IL1RAPL1: variants seen among roughly 807,000 people sequenced by gnomAD.
The protein encoded by IL1RAPL1 is interleukin 1 receptor accessory protein like 1, also known as interleukin-1 receptor accessory protein-like 1.
In IL1RAPL1, 3 loss-of-function variants were observed where a neutral mutation model predicts 48.4. The observed-to-expected ratio is 0.06, with a 90% CI of 0.03 to 0.16. The LOEUF is 0.16. Ranked by LOEUF, IL1RAPL1 falls within the 10% of genes least tolerant of loss-of-function variation. IL1RAPL1 has a pLI of 1.00. For missense variants in IL1RAPL1, 349 were observed against 530.6 expected (o/e 0.66, Z 3.36); for synonymous variants, 185 against 187.7 (o/e 0.99, Z 0.12).
intron 2 of IL1RAPL1, among the ~76,000 whole-genome samples, chrX:28,898,864 A>G (rs1923001169): frequency 9.1e-6 from 1 of 109,905 alleles, no homozygotes; most frequent in Non-Finnish European, 1.9e-5. Context: ...ATCATGGCTC[A>G]CTACAGACTT....
At chrX:28,749,306 A>G (rs1012638545) in intron 1 of IL1RAPL1, among the ~76,000 whole-genome samples, 1 of 111,428 alleles carries the variant, frequency 9.0e-6, no homozygotes, top group African/African-American at 3.3e-5. Context: ...ATCCTATGGT[A>G]GTTTTATTTT....
intron 5 of IL1RAPL1, among the ~76,000 whole-genome samples, chrX:29,589,165 G>T (rs953968438): frequency 2.7e-5 from 3 of 111,925 alleles, no homozygotes; most frequent in African/African-American, 9.7e-5. Context: ...CTCTCTCTTA[G>T]ATCTACTGAT....
intron 5 of IL1RAPL1, among the ~76,000 whole-genome samples, chrX:29,404,352 C>T (rs985253414): frequency 2.7e-5 from 3 of 112,117 alleles, no homozygotes; most frequent in Non-Finnish European, 5.6e-5. Context: ...TTTCACTTAG[C>T]AATATGCATT....
rs940851241 is a variant in IL1RAPL1, at chrX:28,861,922, TTC to T, written c.82+72499_82+72500del. Among the ~76,000 whole-genome samples, 7 of 111,720 alleles carry T rather than the reference TTC, an allele frequency of 6.3e-5. No individual in the cohort carries two copies. In the Admixed American group the frequency reaches 6.7e-4, roughly 11 times the overall value. ...AGAATAATATACTTAGAGGACATTT[TTC>T]TAAATGCAAGTTGCTAGAAATGACT... On this transcript the variant is annotated intron_variant, in intron 2 of 10. Transcript: ENST00000378993.
At chrX:28,999,259 A>G (rs1043547774) in intron 2 of IL1RAPL1, among the ~76,000 whole-genome samples, 1 of 111,714 alleles carries the variant, frequency 9.0e-6, no homozygotes, top group African/African-American at 3.3e-5. Context: ...GAATGTATCT[A>G]TACTTTTATT....
At chrX:28,997,344 T>C (rs1018894534) in intron 2 of IL1RAPL1, among the ~76,000 whole-genome samples, 2 of 111,821 alleles carry the variant, frequency 1.8e-5, no homozygotes, top group Non-Finnish European at 1.9e-5. Context: ...GGTGCACATA[T>C]GGATATGCTT....
chrX:29,627,347 G>A (rs1005794869), intron 5 of IL1RAPL1, among the ~76,000 whole-genome samples: 2 of 112,122 alleles, frequency 1.8e-5, no homozygotes, highest in Admixed American at 1.9e-4. Flanking sequence ...TTTCCAGAAA[G>A]CCATTTATTA....
intron 2 of IL1RAPL1, among the ~76,000 whole-genome samples, chrX:28,899,845 G>A (rs919299098): frequency 9.0e-6 from 1 of 111,559 alleles, no homozygotes; most frequent in African/African-American, 3.3e-5. Context: ...GCCAGAAACT[G>A]AATGCTTTTC....
rs1257893966 is a variant in IL1RAPL1 at position 28,924,251 on chromosome X, A to G, written c.82+134826A>G. On this transcript the variant is annotated intron_variant, in intron 2 of 10. Transcript: ENST00000378993. ...CCATTTGCTGTGCCAACATTTAAGA[A>G]GGAATCTGTGGTTTATCATCTGGTT... The G allele has an allele frequency of 3.6e-5, 4 of 112,447 alleles. No individual in the cohort carries two copies. In the East Asian group the frequency reaches 1.1e-3, roughly 31 times the overall value. The allele number at this position is 112,447 out of a possible 1,213,427, so 9.3% of individuals were successfully genotyped here. A position where few individuals can be genotyped will look rare whatever the true frequency, so the allele number is the denominator to read the frequency against.
chrX:29,245,404 C>A (rs1174681098), intron 2 of IL1RAPL1, among the ~76,000 whole-genome samples: 1 of 111,512 alleles, frequency 9.0e-6, no homozygotes, highest in African/African-American at 3.3e-5. Context: ...AGTGTAAAAG[C>A]ATTCCTATTT....
intron 6 of IL1RAPL1, among the ~76,000 whole-genome samples, chrX:29,674,432 T>TA (rs1007964540): frequency 9.1e-6 from 1 of 110,482 alleles, no homozygotes; most frequent in African/African-American, 3.3e-5. Context: ...TCTCCAAAAA[T>TA]AAAAAAAAGT....
At chrX:29,621,455 G>A (rs1924459823) in intron 5 of IL1RAPL1, among the ~76,000 whole-genome samples, 1 of 110,464 alleles carries the variant, frequency 9.1e-6, no homozygotes, top group African/African-American at 3.3e-5. Flanking sequence ...TATGTCATGA[G>A]TATTTTTCTC....
chrX:29,237,113 A>ATGGGT (rs1931324155), intron 2 of IL1RAPL1, among the ~76,000 whole-genome samples: 1 of 111,075 alleles, frequency 9.0e-6, no homozygotes, highest in Non-Finnish European at 1.9e-5. Flanking sequence ...AACAAGTAAT[A>ATGGGT]TATCTGCATG....
At chrX:29,345,995 A>C (rs756894411) in intron 3 of IL1RAPL1, among the ~76,000 whole-genome samples, 5 of 112,051 alleles carry the variant, frequency 4.5e-5, no homozygotes, top group Non-Finnish European at 9.4e-5. Flanking sequence ...TTGAGTTGTC[A>C]CTAAAATATA....
chrX:29,173,076 G>T (rs902707922), intron 2 of IL1RAPL1, among the ~76,000 whole-genome samples: 1 of 111,176 alleles, frequency 9.0e-6, no homozygotes, highest in Non-Finnish European at 1.9e-5. Flanking sequence ...AGATCCCAGT[G>T]TACTTGATAA....
chrX:28,939,215 A>G (rs901731136), intron 2 of IL1RAPL1, among the ~76,000 whole-genome samples: 1 of 111,028 alleles, frequency 9.0e-6, no homozygotes, highest in African/African-American at 3.3e-5. Context: ...TTATTCTACC[A>G]TAAAGACACA....
At chrX:28,895,963 GTGGGGTCCCACACAGA>G (rs1353680073) in intron 2 of IL1RAPL1, among the ~76,000 whole-genome samples, 2 of 112,315 alleles carry the variant, frequency 1.8e-5, no homozygotes, top group African/African-American at 6.5e-5. Context: ...CTGATTTTCA[GTGGGGTCCCACACAGA>G]TGGCACGCGG....
At chrX:29,515,046 T>C (rs1935432092) in intron 5 of IL1RAPL1, among the ~76,000 whole-genome samples, 1 of 112,732 alleles carries the variant, frequency 8.9e-6, no homozygotes, top group Admixed American at 9.4e-5. Context: ...ATAGAAACTT[T>C]CATTTATTCA....
At position 29,886,538 on chromosome X, in the gene IL1RAPL1, C is replaced by A. The variant is rs1020219689; in HGVS notation, c.779-30926C>A. Among the ~76,000 whole-genome samples, 6 of 112,239 alleles carry A rather than the reference C, an allele frequency of 5.3e-5. No individual in the cohort carries two copies. In the East Asian group the frequency reaches 1.7e-3, roughly 31 times the overall value. ...GTGAGGAAAAGCTATTATTGATACT[C>A]ATTCAGAATTTCATATTAGATCATT... On this transcript the variant is annotated intron_variant, in intron 6 of 10. Coordinates refer to ENST00000378993, the MANE Select transcript of IL1RAPL1 (RefSeq NM_014271.4).
Sources: allele counts gnomAD v4.1 joint callset (sites outside exome capture counted in the v4.1 genomes callset), GRCh38; gene constraint gnomAD v4.1.1; transcripts MANE v1.5; gene names NCBI Gene and HGNC (gene_info 2026-07-23, HGNC 2026-07-21).